Variants in PLEKHA8 observed in about 807,000 individuals in gnomAD.
The protein encoded by PLEKHA8 is pleckstrin homology domain containing A8.
PLEKHA8 carries 36 observed loss-of-function variants against 68.2 expected under a neutral mutation model. That is an observed-to-expected ratio of 0.53 (90% CI 0.40 to 0.70). PLEKHA8 has a LOEUF of 0.70. Among genes scored for constraint, PLEKHA8 ranks in the 30% least tolerant of loss-of-function variants. PLEKHA8 has a pLI of 0.00. For missense variants in PLEKHA8, 505 were observed against 615.4 expected, an observed-to-expected ratio of 0.82 and a Z score of 1.90; for synonymous variants, 211 against 216.1, an observed-to-expected ratio of 0.98 and a Z score of 0.20.
chr7:30,046,359 G>A lies in PLEKHA8; in HGVS notation c.307G>A (p.Glu103Lys). The change falls in exon 3 of 14, where the codon GAG becomes AAG. Residue 103 changes from glutamate (E) to lysine (K), a missense_variant. Glu to Lys is a moderately conservative substitution (Grantham distance 56). Coordinates refer to ENST00000449726, the MANE Select transcript of PLEKHA8 (RefSeq NM_001197026.2). ...ACLTDSRTQK[E>K]KEFAENTENL... ...CCTGACTGACAGTAGGACCCAGAAG[G>A]AGAAAGGCAAGTACTGATTGTCCTT... 1 of 1,605,744 alleles carries A rather than the reference G, an allele frequency of 6.2e-7. No homozygotes were observed. The highest frequency in any genetic ancestry group is 8.5e-7 in the Non-Finnish European group (1 of 1,176,324).
intron 13 of PLEKHA8, among the ~76,000 whole-genome samples, chr7:30,077,728 A>G (rs1794697033): frequency 6.6e-6 from 1 of 152,136 alleles, no homozygotes. Context: ...TTCAAAGTAT[A>G]AGGAAGATCA....
chr7:30,051,767 C>T (rs533193212), intron 6 of PLEKHA8, among the ~76,000 whole-genome samples: 16 of 152,164 alleles, frequency 1.1e-4, no homozygotes, highest in African/African-American at 2.9e-4. Context: ...TGAGGTCAGG[C>T]GTTCAAGACC....
At chr7:30,056,415 A>T (rs1022545754) in intron 9 of PLEKHA8, among the ~76,000 whole-genome samples, 2 of 144,220 alleles carry the variant, frequency 1.4e-5, no homozygotes, top group African/African-American at 5.1e-5. Context: ...TATAACATAC[A>T]TATATATGTA....
Position 30,108,083 on chromosome 7 carries a change from A to AAAAAC in PLEKHA8, c.1363-21179_1363-21178insCAAAA, listed in dbSNP as rs1554281881. On this transcript the variant is annotated intron_variant, in intron 13 of 13. Transcript: ENST00000396257. ...ACTCCATCTCAAAAAAAAAAAAAAA[A>AAAAAC]AAAAAAAAACCTACATTCATTGACA... Among the ~76,000 whole-genome samples the AAAAAC allele has an allele frequency of 5.1e-4, 74 of 144,568 alleles. 2 individuals carry two copies. Among genetic ancestry groups the AAAAAC allele is most frequent in the African/African-American group, 1.7e-3 (69 of 40,606 alleles). The allele number at this position is 144,568 out of a possible 152,430, so 94.8% of individuals were successfully genotyped here. A position where few individuals can be genotyped will look rare whatever the true frequency, so the allele number is the denominator to read the frequency against.
intron 13 of PLEKHA8, among the ~76,000 whole-genome samples, chr7:30,111,665 G>T (rs1448447627): frequency 1.3e-5 from 2 of 151,456 alleles, no homozygotes; most frequent in Non-Finnish European, 2.9e-5. Flanking sequence ...TGTCATCTAG[G>T]CTGGAATAGT....
intron 13 of PLEKHA8, among the ~76,000 whole-genome samples, chr7:30,123,685 G>C (rs1437127646): frequency 6.6e-6 from 1 of 152,184 alleles, no homozygotes; most frequent in East Asian, 1.9e-4. Flanking sequence ...AGCTGCTAGG[G>C]GTTGTCTTTT....
At chr7:30,045,046 A>G (rs1791839904) in intron 1 of PLEKHA8, 39 bp from the exon 2 acceptor site, 1 of 1,414,506 alleles carries the variant, frequency 7.1e-7, no homozygotes, top group Admixed American at 1.8e-5. Context: ...GTTCATACAC[A>G]GGCAGTAATT....
intron 13 of PLEKHA8, among the ~76,000 whole-genome samples, chr7:30,108,846 C>A (rs1796166626): frequency 6.6e-6 from 1 of 152,162 alleles, no homozygotes; most frequent in South Asian, 2.1e-4. Flanking sequence ...CACAGCACCC[C>A]AGGTGTGGGG....
At chr7:30,045,544 GAC>G (rs141127670) in intron 2 of PLEKHA8, among the ~76,000 whole-genome samples, 2 of 151,534 alleles carry the variant, frequency 1.3e-5, no homozygotes, top group Non-Finnish European at 3.0e-5. Flanking sequence ...AATCAGGATG[GAC>G]ACACACACAC....
In PLEKHA8 at chr7:30,079,535, C is replaced by A; in HGVS notation, c.*748C>A. ...ACCATTTACCAGCATGTTCCCCATG[C>A]ATTATCTCAATTGGACATCACAAGT... On this transcript the variant is annotated 3_prime_UTR_variant, in exon 14 of 14. Coordinates refer to ENST00000449726, the MANE Select transcript of PLEKHA8 (RefSeq NM_001197026.2). 1 of 950,744 alleles carries A rather than the reference C, an allele frequency of 1.1e-6. No individual in the cohort carries two copies. The highest frequency in any genetic ancestry group is 1.3e-6 in the Non-Finnish European group (1 of 798,434). The allele number at this position is 950,744 out of a possible 1,614,324, so 58.9% of individuals were successfully genotyped here.
In PLEKHA8 at chr7:30,054,703, T is replaced by TTGGA. The variant is rs1221477097; in HGVS notation, c.797-4_797-3insGATG. ...AGGTTAGTAATAGATATTTTCTACTTTGCAGTCCAAGGTGAAATAAGGAAG... is the reference window on the plus strand; with the variant it reads ...AGGTTAGTAATAGATATTTTCTACTTTGGATGCAGTCCAAGGTGAAATAAGGAAG... On this transcript the variant is annotated splice_polypyrimidine_tract_variant and splice_region_variant and intron_variant, in intron 7 of 13. Coordinates refer to ENST00000449726, the MANE Select transcript of PLEKHA8 (RefSeq NM_001197026.2). 6.5e-7 allele frequency: 1 copy of TTGGA among 1,540,918 alleles called. No individual in the cohort carries two copies. Among genetic ancestry groups the TTGGA allele is most frequent in the Admixed American group, 1.9e-5 (1 of 52,604 alleles).
chr7:30,068,456 C>G (rs528790413), intron 12 of PLEKHA8, among the ~76,000 whole-genome samples: 1 of 152,168 alleles, frequency 6.6e-6, no homozygotes, highest in Admixed American at 6.5e-5. Flanking sequence ...AGTTTTTGTT[C>G]TTAGATTACA....
At chr7:30,129,466 C>A in exon 14 of PLEKHA8, 1 of 828,944 alleles carries the variant, frequency 1.2e-6, no homozygotes, top group Non-Finnish European at 1.9e-6. Flanking sequence ...TTATCTTGTT[C>A]AAGTCACTTT....
At chr7:30,065,355 T>A (rs1184599243) in intron 12 of PLEKHA8, among the ~76,000 whole-genome samples, 1 of 152,148 alleles carries the variant, frequency 6.6e-6, no homozygotes, top group Non-Finnish European at 1.5e-5. Context: ...TGCTGCTGCT[T>A]AGTATGAGGA....
chr7:30,051,342 T>G (rs897051935), intron 6 of PLEKHA8, among the ~76,000 whole-genome samples: 2 of 152,182 alleles, frequency 1.3e-5, no homozygotes, highest in African/African-American at 4.8e-5. Context: ...TTGCAGTTGT[T>G]GAGGTCTTTG....
At chr7:30,076,373 C>CAT (rs1267756401) in intron 13 of PLEKHA8, among the ~76,000 whole-genome samples, 1 of 152,128 alleles carries the variant, frequency 6.6e-6, no homozygotes, top group Non-Finnish European at 1.5e-5. Flanking sequence ...AAAACAGCAT[C>CAT]TGTTTATATG....
downstream of PLEKHA8, among the ~76,000 whole-genome samples, chr7:30,089,183 C>T (rs1230457027): frequency 2.6e-5 from 4 of 152,176 alleles, no homozygotes; most frequent in South Asian, 2.1e-4. Context: ...CACAAAGACA[C>T]GAACAGGCTG....
At chr7:30,099,609 T>C (rs1166725475) in intron 13 of PLEKHA8, among the ~76,000 whole-genome samples, 1 of 152,204 alleles carries the variant, frequency 6.6e-6, no homozygotes, top group Non-Finnish European at 1.5e-5. Context: ...TCATCGACTT[T>C]TGTAGAGCAC....
intron 13 of PLEKHA8, among the ~76,000 whole-genome samples, chr7:30,095,836 G>C (rs1795594241): frequency 1.3e-5 from 2 of 152,154 alleles, no homozygotes; most frequent in South Asian, 4.1e-4. Flanking sequence ...TATAGTTGTA[G>C]ATATGTGGCA....
Sources: gnomAD v4.1 joint callset for allele counts (sites outside exome capture counted in the v4.1 genomes callset) on GRCh38, gnomAD v4.1.1 for gene constraint, MANE v1.5 for transcripts, NCBI Gene and HGNC (gene_info 2026-07-23, HGNC 2026-07-21) for gene names.